Variants in SHTN1 observed in about 807,000 individuals in gnomAD.
SHTN1 encodes shootin-1.
Under a neutral mutation model 83.1 loss-of-function variants are expected in SHTN1, and 42 were observed. The ratio of observed to expected loss-of-function variants is 0.51; its 90% CI spans 0.39 to 0.65. The LOEUF (loss-of-function observed/expected upper bound fraction) is 0.65. Ranked by LOEUF, SHTN1 falls within the 30% of genes least tolerant of loss-of-function variation. The pLI, the probability that SHTN1 is intolerant of heterozygous loss-of-function variation, is 0.00. For missense variants in SHTN1, 622 were observed against 737.8 expected (o/e 0.84, Z 1.82); for synonymous variants, 224 against 247.7 (o/e 0.90, Z 0.90).
At chr10:117,080,875 C>G in intron 1 of SHTN1, among the ~76,000 whole-genome samples, 1 of 142,760 alleles carries the variant, frequency 7.0e-6, no homozygotes, top group Non-Finnish European at 1.5e-5. Flanking sequence ...GATTTTTGCA[C>G]ATTGATTTTG....
At chr10:117,013,037 TCCA>T (rs1374865168) in intron 2 of SHTN1, among the ~76,000 whole-genome samples, 1 of 152,128 alleles carries the variant, frequency 6.6e-6, no homozygotes, top group African/African-American at 2.4e-5. Flanking sequence ...ACCACTGCAT[TCCA>T]GCTTGGGCAA....
chr10:117,109,553 CTTTTTTTT>C (rs374713015), intron 1 of SHTN1, among the ~76,000 whole-genome samples: 27 of 42,952 alleles, frequency 6.3e-4, no homozygotes, highest in East Asian at 3.7e-3. Context: ...ACATATATTA[CTTTTTTTT>C]TTTTTTTTTT....
At chr10:117,116,196 G>C (rs1853844007) in intron 1 of SHTN1, among the ~76,000 whole-genome samples, 1 of 150,416 alleles carries the variant, frequency 6.6e-6, no homozygotes, top group African/African-American at 2.4e-5. Context: ...AAAAAGAGAA[G>C]ACCCAAATAA....
At chr10:116,914,332 C>G (rs1170222332) in intron 13 of SHTN1, among the ~76,000 whole-genome samples, 1 of 152,030 alleles carries the variant, frequency 6.6e-6, no homozygotes, top group Non-Finnish European at 1.5e-5. Context: ...ATTAGCTGGG[C>G]ATGGTGGCAT....
chr10:116,933,474 G>A (rs756780871), intron 9 of SHTN1, among the ~76,000 whole-genome samples: 33 of 152,108 alleles, frequency 2.2e-4, no homozygotes, highest in African/African-American at 5.3e-4. Context: ...AGCTTCATCC[G>A]TGTCCCTGCA....
At chr10:117,097,442 C>T (rs1157998836) in intron 1 of SHTN1, among the ~76,000 whole-genome samples, 1 of 152,212 alleles carries the variant, frequency 6.6e-6, no homozygotes, top group East Asian at 1.9e-4. Flanking sequence ...TCTTTTCTCA[C>T]AATTCTGTAA....
intron 1 of SHTN1, among the ~76,000 whole-genome samples, chr10:117,106,733 T>G (rs1270747122): frequency 2.0e-5 from 3 of 152,216 alleles, no homozygotes; most frequent in Non-Finnish European, 4.4e-5. Flanking sequence ...TCTTTCCTTC[T>G]AATTCTTGGG....
intron 2 of SHTN1, among the ~76,000 whole-genome samples, chr10:117,037,374 A>T (rs1212750559): frequency 6.6e-6 from 1 of 152,202 alleles, no homozygotes; most frequent in Non-Finnish European, 1.5e-5. Flanking sequence ...TATGTATGAG[A>T]TCTATATAAG....
chr10:117,105,434 T>C lies in SHTN1; in HGVS notation c.-189+20873A>G, dbSNP rs1401584974. Among the ~76,000 whole-genome samples the C allele has an allele frequency of 2.6e-5, 4 of 152,196 alleles. No individual in the cohort carries two copies. In the East Asian group the frequency reaches 7.7e-4, roughly 29 times the overall value. Reference sequence around the variant, plus strand: ...CTTATTAGTTAAGCAGATTAGGAATTCTTATTCTTATGTGTAAGATGAAAG... The same window carrying C: ...CTTATTAGTTAAGCAGATTAGGAATCCTTATTCTTATGTGTAAGATGAAAG... On this transcript the variant is annotated intron_variant, in intron 1 of 17. Transcript: ENST00000392901.
In SHTN1 at chr10:116,892,190, C is replaced by A. The variant is rs535797855; in HGVS notation, c.1674-5624G>T. Among the ~76,000 whole-genome samples, 5 of 152,258 alleles carry A rather than the reference C, an allele frequency of 3.3e-5. No homozygotes were observed. The South Asian group carries it at 1.0e-3, about 32-fold the overall frequency. On this transcript the variant is annotated intron_variant, in intron 16 of 16. Coordinates refer to ENST00000355371, the MANE Select transcript of SHTN1 (RefSeq NM_001127211.3). ...TTACCTCCCGGACCACAATGCAATGCTAGGGAGCCTTGTAGCTTGTACCTT... is the reference window on the plus strand; with the variant it reads ...TTACCTCCCGGACCACAATGCAATGATAGGGAGCCTTGTAGCTTGTACCTT...
rs572533790 is a variant in SHTN1 at position 117,020,281 on chromosome 10, G to C, written c.-123+28164C>G. ...GAGGCAGGCAAATCACTTGAGGTCA[G>C]GAGTTGGAGACCAGCCTGGCCAACA... On this transcript the variant is annotated intron_variant, in intron 2 of 17. Transcript: ENST00000392901. Among the ~76,000 whole-genome samples the C allele has an allele frequency of 7.2e-4, 110 of 151,830 alleles. 2 individuals carry two copies. In the South Asian group the frequency reaches 0.022, roughly 30 times the overall value.
At chr10:117,116,417 T>C (rs560776372) in intron 1 of SHTN1, among the ~76,000 whole-genome samples, 1 of 152,188 alleles carries the variant, frequency 6.6e-6, no homozygotes, top group South Asian at 2.1e-4. Flanking sequence ...ATGGAGGCCA[T>C]AATAAAAAGT....
At chr10:117,125,520 C>G (rs923937681) in intron 1 of SHTN1, among the ~76,000 whole-genome samples, 1 of 152,088 alleles carries the variant, frequency 6.6e-6, no homozygotes, top group Non-Finnish European at 1.5e-5. Flanking sequence ...CCCATCGTTA[C>G]CCTGCCCAAA....
chr10:116,963,125 G>A (rs1206966312), intron 3 of SHTN1, among the ~76,000 whole-genome samples: 1 of 117,734 alleles, frequency 8.5e-6, no homozygotes, highest in Non-Finnish European at 1.6e-5. Context: ...AGGCTGGAGT[G>A]CAGTGGCGCA....
At chr10:117,120,714 G>A (rs1853911026) in intron 1 of SHTN1, among the ~76,000 whole-genome samples, 1 of 152,046 alleles carries the variant, frequency 6.6e-6, no homozygotes, top group African/African-American at 2.4e-5. Context: ...AGATGAGCAG[G>A]GTGACTATAA....
At chr10:116,975,433 C>T (rs1850766883) in intron 2 of SHTN1, among the ~76,000 whole-genome samples, 1 of 150,472 alleles carries the variant, frequency 6.6e-6, no homozygotes, top group Non-Finnish European at 1.5e-5. Context: ...CATTGCCCAG[C>T]CATGCTCTAG....
intron 4 of SHTN1, among the ~76,000 whole-genome samples, chr10:116,959,304 GTGT>G (rs1850095142): frequency 6.6e-6 from 1 of 152,182 alleles, no homozygotes; most frequent in Admixed American, 6.5e-5. Context: ...TTCTAATGTA[GTGT>G]TGTTATGCAA....
Position 116,881,531 on chromosome 10 carries a change from C to T in SHTN1, c.*4813G>A. On this transcript the variant is annotated 3_prime_UTR_variant, in exon 17 of 17. Coordinates refer to ENST00000355371, the MANE Select transcript of SHTN1 (RefSeq NM_001127211.3). Reference sequence around the variant, plus strand: ...TTTAAATAGGTTTCAAAGAAGAACACACTTTTTTTTACTTTAATGAGGAAG... The same window carrying T: ...TTTAAATAGGTTTCAAAGAAGAACATACTTTTTTTTACTTTAATGAGGAAG... 2.6e-6 allele frequency: 4 copies of T among 1,543,756 alleles called. No individual in the cohort carries two copies. The highest frequency in any genetic ancestry group is 3.5e-6 in the Non-Finnish European group (4 of 1,144,806).
At chr10:117,052,936 C>T (rs896143042) in intron 1 of SHTN1, among the ~76,000 whole-genome samples, 7 of 142,724 alleles carry the variant, frequency 4.9e-5, no homozygotes, top group Admixed American at 3.1e-4. Flanking sequence ...AGGAGAATGG[C>T]GTGAACCTAG....
Sources: gnomAD v4.1 joint callset for allele counts (sites outside exome capture counted in the v4.1 genomes callset) on GRCh38, gnomAD v4.1.1 for gene constraint, MANE v1.5 for transcripts, NCBI Gene and HGNC (gene_info 2026-07-23, HGNC 2026-07-21) for gene names.